Variants in TAFA1 observed in about 807,000 individuals in gnomAD.
The protein encoded by TAFA1 is TAFA chemokine like family member 1.
Under a neutral mutation model 18.5 loss-of-function variants are expected in TAFA1, and 4 were observed. The observed-to-expected ratio is 0.22, with a 90% CI of 0.11 to 0.49. The LOEUF (loss-of-function observed/expected upper bound fraction) is 0.49, where lower values mean the gene tolerates loss of function less well. Among genes scored for constraint, TAFA1 ranks in the 20% least tolerant of loss-of-function variants. The pLI is 0.98. For synonymous variants in TAFA1, 56 were observed against 55.2 expected (o/e 1.01, Z -0.06); for missense variants, 147 against 169.0 (o/e 0.87, Z 0.72).
chr3:68,088,201 G>A (rs978015414), intron 2 of TAFA1, among the ~76,000 whole-genome samples: 1 of 152,102 alleles, frequency 6.6e-6, no homozygotes, highest in African/African-American at 2.4e-5. Flanking sequence ...TACTCACAAA[G>A]CATCCATAGC....
chr3:68,380,682 T>G (rs1189480252), intron 2 of TAFA1, among the ~76,000 whole-genome samples: 2 of 152,162 alleles, frequency 1.3e-5, no homozygotes, highest in African/African-American at 4.8e-5. Flanking sequence ...CTTTGTCAGA[T>G]GAGTAGGCTG....
intron 2 of TAFA1, among the ~76,000 whole-genome samples, chr3:68,296,327 G>T (rs1325406329): frequency 6.6e-6 from 1 of 152,162 alleles, no homozygotes; most frequent in Non-Finnish European, 1.5e-5. Context: ...CCTCTCAGGA[G>T]AATTACTGCC....
intron 2 of TAFA1, among the ~76,000 whole-genome samples, chr3:68,206,875 C>A (rs1386764897): frequency 6.6e-6 from 1 of 151,858 alleles, no homozygotes; most frequent in Non-Finnish European, 1.5e-5. Context: ...ATTGGCTAGA[C>A]CTAGTCACAT....
chr3:68,073,421 C>T (rs2064781748), intron 2 of TAFA1, among the ~76,000 whole-genome samples: 1 of 152,214 alleles, frequency 6.6e-6, no homozygotes, highest in Admixed American at 6.5e-5. Flanking sequence ...GATTCTTATT[C>T]TGCAGCATTA....
chr3:68,375,507 G>A (rs1230997821), intron 2 of TAFA1, among the ~76,000 whole-genome samples: 1 of 152,106 alleles, frequency 6.6e-6, no homozygotes, highest in Non-Finnish European at 1.5e-5. Flanking sequence ...AGGAAGTCGT[G>A]ATCTATACAT....
intron 2 of TAFA1, among the ~76,000 whole-genome samples, chr3:68,147,086 T>A (rs1254888796): frequency 6.6e-6 from 1 of 151,258 alleles, no homozygotes; most frequent in Non-Finnish European, 1.5e-5. Flanking sequence ...GTTGGCATCT[T>A]AAAAAGAAAC....
At chr3:68,231,402 G>A (rs1046578843) in intron 2 of TAFA1, among the ~76,000 whole-genome samples, 6 of 126,544 alleles carry the variant, frequency 4.7e-5, no homozygotes, top group Admixed American at 9.5e-5. Flanking sequence ...CGCCCAGGCC[G>A]GACTGCGGAC....
intron 2 of TAFA1, among the ~76,000 whole-genome samples, chr3:68,125,888 T>C (rs2106870668): frequency 6.6e-6 from 1 of 152,258 alleles, no homozygotes; most frequent in African/African-American, 2.4e-5. Context: ...CCAATGGAGA[T>C]AAAGACTGGT....
intron 2 of TAFA1, among the ~76,000 whole-genome samples, chr3:68,188,728 C>T (rs2066301825): frequency 6.6e-6 from 1 of 151,764 alleles, no homozygotes; most frequent in Non-Finnish European, 1.5e-5. Flanking sequence ...CTCTGAATTC[C>T]ATGCTATTTT....
At chr3:68,422,961 A>T (rs2070984267) in intron 3 of TAFA1, among the ~76,000 whole-genome samples, 1 of 152,052 alleles carries the variant, frequency 6.6e-6, no homozygotes, top group Admixed American at 6.6e-5. Flanking sequence ...TCGGGGACTA[A>T]AAGTTAAAAT....
intron 2 of TAFA1, among the ~76,000 whole-genome samples, chr3:68,322,962 T>C (rs2068717974): frequency 6.6e-6 from 1 of 152,034 alleles, no homozygotes; most frequent in East Asian, 1.9e-4. Context: ...AAAGTATTTC[T>C]CTGAGTACCA....
At chr3:68,081,101 G>C (rs909994797) in intron 2 of TAFA1, among the ~76,000 whole-genome samples, 1 of 152,072 alleles carries the variant, frequency 6.6e-6, no homozygotes, top group Middle Eastern at 3.4e-3. Flanking sequence ...CCAGTTGATC[G>C]CATCGGCTCC....
intron 2 of TAFA1, among the ~76,000 whole-genome samples, chr3:68,193,064 A>G (rs1446515237): frequency 6.6e-6 from 1 of 151,758 alleles, no homozygotes; most frequent in African/African-American, 2.4e-5. Flanking sequence ...GCTCCATCCT[A>G]AGACGATGAA....
At chr3:68,174,937 A>G (rs1268617466) in intron 2 of TAFA1, among the ~76,000 whole-genome samples, 1 of 152,190 alleles carries the variant, frequency 6.6e-6, no homozygotes, top group East Asian at 1.9e-4. Context: ...AGGGTTCTCC[A>G]TGCTGTGTGC....
intron 2 of TAFA1, among the ~76,000 whole-genome samples, chr3:68,187,493 G>T (rs2066285351): frequency 6.6e-6 from 1 of 151,960 alleles, no homozygotes; most frequent in Non-Finnish European, 1.5e-5. Context: ...TTCAACAGCA[G>T]GTTTGTGAAA....
intron 2 of TAFA1, among the ~76,000 whole-genome samples, chr3:68,065,752 A>G (rs2064668008): frequency 6.8e-6 from 1 of 147,008 alleles, no homozygotes; most frequent in Non-Finnish European, 1.5e-5. Context: ...ATATATATAT[A>G]TATATATATA....
chr3:68,375,295 A>G (rs1466166532), intron 2 of TAFA1, among the ~76,000 whole-genome samples: 2 of 152,188 alleles, frequency 1.3e-5, no homozygotes, highest in Admixed American at 6.5e-5. Context: ...ATTTGACAAT[A>G]TCTCTCAGGA....
chr3:68,094,208 A>G (rs1341323584), intron 2 of TAFA1, among the ~76,000 whole-genome samples: 2 of 152,092 alleles, frequency 1.3e-5, no homozygotes, highest in Non-Finnish European at 2.9e-5. Flanking sequence ...TACCTAAAAA[A>G]ACTCTAATTC....
chr3:68,504,241 C>T (rs1011437577), intron 3 of TAFA1, among the ~76,000 whole-genome samples: 1 of 152,156 alleles, frequency 6.6e-6, no homozygotes, highest in Non-Finnish European at 1.5e-5. Flanking sequence ...GTCCCTCTTG[C>T]CCAGCTCTCT....
Sources: gnomAD v4.1 joint callset for allele counts (sites outside exome capture counted in the v4.1 genomes callset) on GRCh38, gnomAD v4.1.1 for gene constraint, MANE v1.5 for transcripts, NCBI Gene and HGNC (gene_info 2026-07-23, HGNC 2026-07-21) for gene names.